The following ITGA8 variants were observed in gnomAD, a reference collection of about 807,000 sequenced individuals.
ITGA8 encodes the protein integrin alpha-8.
Under a neutral mutation model 142.3 loss-of-function variants are expected in ITGA8, and 91 were observed. That is an observed-to-expected ratio of 0.64 (90% CI 0.54 to 0.76). ITGA8 has a LOEUF of 0.76. Ranked by LOEUF, ITGA8 falls within the 30% of genes least tolerant of loss-of-function variation. The pLI, the probability that ITGA8 is intolerant of heterozygous loss-of-function variation, is 0.00. For synonymous variants in ITGA8, 505 were observed against 485.2 expected (o/e 1.04, Z -0.54); for missense variants, 1,406 against 1,327.7 (o/e 1.06, Z -0.92).
intron 27 of ITGA8, among the ~76,000 whole-genome samples, chr10:15,540,344 T>A (rs1833544549): frequency 6.6e-6 from 1 of 152,076 alleles, no homozygotes; most frequent in Non-Finnish European, 1.5e-5. Context: ...TCTGCCTCCA[T>A]GAGATCCACC....
intron 8 of ITGA8, among the ~76,000 whole-genome samples, chr10:15,670,471 A>C (rs1427420669): frequency 2.6e-5 from 4 of 152,204 alleles, no homozygotes; most frequent in Admixed American, 2.6e-4. Flanking sequence ...CAAAGATTCA[A>C]ATTATTTCTG....
chr10:15,684,223 T>G (rs2131703978), intron 3 of ITGA8, 96 bp from the exon 4 acceptor site: 1 of 1,315,394 alleles, frequency 7.6e-7, no homozygotes, highest in African/African-American at 1.5e-5. Flanking sequence ...TGTTAAATTA[T>G]TGGGTGAATT....
rs536773424 is a variant in ITGA8 at position 15,532,537 on chromosome 10, C to T, written c.2881-1386G>A. On this transcript the variant is annotated intron_variant, in intron 27 of 29. Coordinates refer to ENST00000378076, the MANE Select transcript of ITGA8 (RefSeq NM_003638.3). ...GAGCCAAACAGTGTTTTTAACAGAGCTTCTCAGTGAAAGCTCTGTTTGTTT... is the reference window on the plus strand; with the variant it reads ...GAGCCAAACAGTGTTTTTAACAGAGTTTCTCAGTGAAAGCTCTGTTTGTTT... Among the ~76,000 whole-genome samples, 45 of 150,114 alleles carry T rather than the reference C, an allele frequency of 3.0e-4. No individual in the cohort carries two copies. The East Asian group carries it at 8.7e-3, about 29-fold the overall frequency.
chr10:15,535,351 C>T (rs1484756629), intron 27 of ITGA8, among the ~76,000 whole-genome samples: 1 of 152,236 alleles, frequency 6.6e-6, no homozygotes, highest in Non-Finnish European at 1.5e-5. Context: ...CAGGCAGCTC[C>T]ACCTGCGGCG....
chr10:15,675,085 G>C (rs1484114521), intron 6 of ITGA8, among the ~76,000 whole-genome samples: 4 of 151,902 alleles, frequency 2.6e-5, no homozygotes, highest in Non-Finnish European at 5.9e-5. Flanking sequence ...CCAAATTATA[G>C]AATCTTCTCA....
At chr10:15,635,003 CT>C (rs915334219) in intron 13 of ITGA8, among the ~76,000 whole-genome samples, 377 of 107,230 alleles carry the variant, frequency 3.5e-3, no homozygotes, top group Middle Eastern at 0.011. Context: ...TTCTTTCTTT[CT>C]TTTTTTTTTT....
intron 27 of ITGA8, among the ~76,000 whole-genome samples, chr10:15,539,009 C>A (rs1833514821): frequency 7.1e-6 from 1 of 141,432 alleles, no homozygotes; most frequent in Admixed American, 7.8e-5. Flanking sequence ...AGGGAATGGA[C>A]AGACTGGTTA....
chr10:15,644,014 AG>A lies in ITGA8; in HGVS notation c.1399+15del. On this transcript the variant is annotated intron_variant, in intron 13 of 29. Coordinates refer to ENST00000378076, the MANE Select transcript of ITGA8 (RefSeq NM_003638.3). ...AGGACGTAGACTCTCACGTGGGAAA[AG>A]AAAGAAAACCTTACCTGGGTAATCA... is the stretch of plus-strand genomic sequence containing the variant. The A allele has an allele frequency of 6.2e-7, 1 of 1,602,172 alleles. No individual in the cohort carries two copies. Among genetic ancestry groups the A allele is most frequent in the South Asian group, 1.1e-5 (1 of 90,196 alleles).
chr10:15,709,484 A>G (rs1293070785), intron 2 of ITGA8, among the ~76,000 whole-genome samples: 1 of 152,260 alleles, frequency 6.6e-6, no homozygotes, highest in African/African-American at 2.4e-5. Context: ...ATTATTATAC[A>G]TAACAGAGCA....
intron 14 of ITGA8, among the ~76,000 whole-genome samples, chr10:15,614,073 T>C (rs372798109): frequency 6.6e-6 from 1 of 152,212 alleles, no homozygotes; most frequent in Admixed American, 6.5e-5. Context: ...ATTATGGCAA[T>C]ATTGCTGTGA....
In ITGA8 at chr10:15,639,312, G is replaced by T. The variant is rs368948514; in HGVS notation, c.1399+4718C>A. On this transcript the variant is annotated intron_variant, in intron 13 of 29. Coordinates refer to ENST00000378076, the MANE Select transcript of ITGA8 (RefSeq NM_003638.3). Reference sequence around the variant, plus strand: ...CAGTTCTTGGCAAAAGAGAAAAGGCGCATCTGACTCCTGTAGACCTGGAAG... The same window carrying T: ...CAGTTCTTGGCAAAAGAGAAAAGGCTCATCTGACTCCTGTAGACCTGGAAG... Among the ~76,000 whole-genome samples the T allele has an allele frequency of 9.2e-5, 14 of 152,208 alleles. No homozygotes were observed. The East Asian group carries it at 2.5e-3, about 27-fold the overall frequency.
rs147610527 is a variant in ITGA8, at chr10:15,712,044, A to G, written c.343+6722T>C. Among the ~76,000 whole-genome samples the G allele has an allele frequency of 4.5e-3, 685 of 152,338 alleles. 9 individuals carry two copies. The highest frequency in any genetic ancestry group is 0.015 in the African/African-American group (640 of 41,586). On this transcript the variant is annotated intron_variant, in intron 2 of 29. Coordinates refer to ENST00000378076, the MANE Select transcript of ITGA8 (RefSeq NM_003638.3). ...AATCACTTAGTCACAATTAGCTTGC[A>G]TATCTTAAATCTCCTTATCATGTAA...
At chr10:15,711,308 A>G (rs1835359744) in intron 2 of ITGA8, among the ~76,000 whole-genome samples, 1 of 152,170 alleles carries the variant, frequency 6.6e-6, no homozygotes, top group Non-Finnish European at 1.5e-5. Flanking sequence ...GCGGTGGCCT[A>G]TGCTTCTCAG....
rs1588714084 is a variant in ITGA8, at chr10:15,672,519, A to G, written c.802+105T>C. Reference sequence around the variant, plus strand: ...TCCACTCTAATAAGAGAACATTTGTATAAGATGCCAAATAACATCGGATAA... The same window carrying G: ...TCCACTCTAATAAGAGAACATTTGTGTAAGATGCCAAATAACATCGGATAA... On this transcript the variant is annotated intron_variant, in intron 7 of 29. Coordinates refer to ENST00000378076, the MANE Select transcript of ITGA8 (RefSeq NM_003638.3). 4.4e-6 allele frequency: 6 copies of G among 1,351,902 alleles called. 1 individual carries two copies. Among genetic ancestry groups the G allele is most frequent in the South Asian group, 2.9e-5 (2 of 68,026 alleles). 83.7% of individuals were successfully genotyped at this position (1,351,902 alleles called of 1,614,324 possible).
intron 4 of ITGA8, among the ~76,000 whole-genome samples, chr10:15,680,754 A>T (rs545590234): frequency 1.0e-3 from 158 of 152,252 alleles, no homozygotes; most frequent in Non-Finnish European, 1.6e-3. Flanking sequence ...AGGCTGAAAA[A>T]AATTAAGAGA....
At chr10:15,517,341 T>TTA in intron 29 of ITGA8, 97 bp from the exon 30 acceptor site, 1 of 692,392 alleles carries the variant, frequency 1.4e-6, no homozygotes, top group Non-Finnish European at 2.3e-6. Context: ...TTTTTTTTTT[T>TTA]AAACTGAGTC....
At chr10:15,693,978 C>A (rs1446634746) in intron 2 of ITGA8, among the ~76,000 whole-genome samples, 1 of 151,156 alleles carries the variant, frequency 6.6e-6, no homozygotes, top group South Asian at 2.1e-4. Context: ...TAAGGTATCC[C>A]CCCTTAAGCT....
Position 15,644,539 on chromosome 10 carries a change from G to T in ITGA8, c.1208-318C>A, listed in dbSNP as rs551130223. ...CAATGGGTCCTTGCTTTGTTGCCCA[G>T]GATGGTCTGGAATTCCTGGCCTCAA... is the stretch of plus-strand genomic sequence containing the variant. On this transcript the variant is annotated intron_variant, in intron 12 of 29. Transcript: ENST00000378076. Among the ~76,000 whole-genome samples the T allele has an allele frequency of 1.1e-4, 15 of 133,978 alleles. No homozygotes were observed. The South Asian group carries it at 3.6e-3, about 33-fold the overall frequency. 87.9% of individuals were successfully genotyped at this position (133,978 alleles called of 152,430 possible). A position where few individuals can be genotyped will look rare whatever the true frequency, so the allele number is the denominator to read the frequency against.
intron 27 of ITGA8, among the ~76,000 whole-genome samples, chr10:15,543,008 A>T (rs1833602325): frequency 6.6e-6 from 1 of 152,248 alleles, no homozygotes; most frequent in Non-Finnish European, 1.5e-5. Context: ...ACAATAAAAA[A>T]GTAGGCTATT....
Sources: gnomAD v4.1 joint callset for allele counts (sites outside exome capture counted in the v4.1 genomes callset) on GRCh38, gnomAD v4.1.1 for gene constraint, MANE v1.5 for transcripts, NCBI Gene and HGNC (gene_info 2026-07-23, HGNC 2026-07-21) for gene names.